The following BIRC6 variants were observed in gnomAD, a reference collection of about 807,000 sequenced individuals.
BIRC6 encodes the protein dual E2 ubiquitin-conjugating enzyme/E3 ubiquitin-protein ligase BIRC6.
A neutral mutation model predicts 503.3 loss-of-function variants in BIRC6; 98 were observed. That is an observed-to-expected ratio of 0.19 (90% CI 0.17 to 0.23). BIRC6 has a LOEUF of 0.23. BIRC6 is among the 10% of genes least tolerant of loss of function. The pLI is 1.00. For synonymous variants in BIRC6, 2,240 were observed against 2,078.7 expected, an observed-to-expected ratio of 1.08 and a Z score of -2.11; for missense variants, 5,360 against 5,806.0, an observed-to-expected ratio of 0.92 and a Z score of 2.50.
chr2:32,555,562 C>T (rs973458300), intron 65 of BIRC6, among the ~76,000 whole-genome samples: 5 of 152,006 alleles, frequency 3.3e-5, no homozygotes, highest in Non-Finnish European at 5.9e-5. Context: ...CGCTTGAAAC[C>T]CCAGAGGCCG....
chr2:32,357,729 G>A lies in BIRC6; in HGVS notation c.325+243G>A, dbSNP rs2033326143. 6.6e-6 allele frequency among the ~76,000 whole-genome samples: 1 copy of A among 152,130 alleles called. No homozygotes were observed. Among genetic ancestry groups the A allele is most frequent in the Non-Finnish European group, 1.5e-5 (1 of 68,012 alleles). On this transcript the variant is annotated intron_variant, in intron 1 of 73. Coordinates refer to ENST00000421745, the MANE Select transcript of BIRC6 (RefSeq NM_016252.4). The surrounding 1 kb of genome is among the most constrained non-coding windows in gnomAD (Gnocchi z 4.9). Reference sequence around the variant, plus strand: ...GTGGTGGGAGGGGAGTTGCCTTTCGGGCCTGGAGCGTCCGGTCTGGCTTGG... The same window carrying A: ...GTGGTGGGAGGGGAGTTGCCTTTCGAGCCTGGAGCGTCCGGTCTGGCTTGG...
rs1258084405 is a variant in BIRC6 at position 32,465,057 on chromosome 2, T to C, written c.5257-8T>C. Reference sequence around the variant, plus strand: ...TAAAGTTAGATTTTTTTTTTTTCCCTGCTCTAGAATCCACTTGGTTCTGGT... The same window carrying C: ...TAAAGTTAGATTTTTTTTTTTTCCCCGCTCTAGAATCCACTTGGTTCTGGT... On this transcript the variant is annotated splice_region_variant and splice_polypyrimidine_tract_variant and intron_variant, in intron 25 of 73. Transcript: ENST00000421745. 3 of 1,538,194 alleles carry C rather than the reference T, an allele frequency of 2.0e-6. No individual in the cohort carries two copies. The highest frequency in any genetic ancestry group is 1.7e-4 in the Middle Eastern group (1 of 5,840).
In BIRC6 at chr2:32,478,354, A is replaced by G. The variant is rs549812245; in HGVS notation, c.7069-281A>G. Among the ~76,000 whole-genome samples the G allele has an allele frequency of 2.0e-5, 3 of 152,192 alleles. No individual in the cohort carries two copies. The South Asian group carries it at 6.2e-4, about 32-fold the overall frequency. ...TGTCTCAAAAAAATAAAAAAAGAAGAAGGACTTTTAATGTCATGATTGCTT... is the reference window on the plus strand; with the variant it reads ...TGTCTCAAAAAAATAAAAAAAGAAGGAGGACTTTTAATGTCATGATTGCTT... On this transcript the variant is annotated intron_variant, in intron 35 of 73. Transcript: ENST00000421745.
At chr2:32,574,897 G>A (rs533293242) in intron 65 of BIRC6, 6 of 459,294 alleles carry the variant, frequency 1.3e-5, no homozygotes, top group Admixed American at 1.0e-4. Flanking sequence ...ACAGGCATGC[G>A]CCATCCCACC....
At chr2:32,571,378 C>CTT (rs61599835) in intron 65 of BIRC6, among the ~76,000 whole-genome samples, 2,783 of 20,444 alleles carry the variant, frequency 0.14, 529 homozygotes, top group African/African-American at 0.21. Context: ...TGGTCCTGGG[C>CTT]TTTTTTTTTT....
At position 32,464,694 on chromosome 2, in the gene BIRC6, C is replaced by T. The variant is rs749791081; in HGVS notation, c.5127C>T (p.Leu1709=). Residue 1709 remains leucine, a synonymous_variant, in exon 25 of 74, where the codon CTC becomes CTT. Transcript: ENST00000421745. ...KTTPLFMTPP[L]TPPNEAVSVV... is the part of the protein sequence containing the mutation. ...CACCTCTTTTTATGACTCCACCACT[C>T]ACTCCACCCAATGAAGCAGTTTCCG... The T allele has an allele frequency of 3.1e-6, 5 of 1,613,946 alleles. No homozygotes were observed. The Admixed American group carries it at 5.0e-5, about 16-fold the overall frequency.
At chr2:32,380,051 A>G in intron 2 of BIRC6, 102 bp from the exon 3 acceptor site, 1 of 801,014 alleles carries the variant, frequency 1.2e-6, no homozygotes, top group Non-Finnish European at 1.9e-6. Flanking sequence ...ACCTGTCATA[A>G]TCATTGCATA....
At position 32,434,421 on chromosome 2, in the gene BIRC6, G is replaced by T. The variant is rs2038534; in HGVS notation, c.3409+617G>T. 2.9e-3 allele frequency among the ~76,000 whole-genome samples: 438 copies of T among 151,938 alleles called. 14 individuals carry two copies. In the East Asian group the frequency reaches 0.074, roughly 26 times the overall value. On this transcript the variant is annotated intron_variant, in intron 13 of 73. Coordinates refer to ENST00000421745, the MANE Select transcript of BIRC6 (RefSeq NM_016252.4). ...TTCCTTTTTGAAAAATTACATATAC[G>T]CCTGGCACTCTCTATCTGTGGGTTT...
intron 59 of BIRC6, 87 bp downstream of exon 59, chr2:32,525,715 T>C: frequency 7.5e-7 from 1 of 1,331,480 alleles, no homozygotes; most frequent in Non-Finnish European, 1.0e-6. Flanking sequence ...AAAATCATTT[T>C]AATCAGGTGC....
intron 44 of BIRC6, among the ~76,000 whole-genome samples, chr2:32,492,915 A>C (rs551052857): frequency 6.6e-6 from 1 of 152,160 alleles, no homozygotes; most frequent in East Asian, 1.9e-4. Context: ...ATTAGGATCA[A>C]ATAAAATAAT....
Position 32,395,498 on chromosome 2 carries a change from T to C in BIRC6, c.952-13T>C, listed in dbSNP as rs370165522. ...ATTTACCTTTTCTGTCTCTTTTCTT[T>C]ATAATTTTGCAGCCTGCCTCATCTG... On this transcript the variant is annotated splice_polypyrimidine_tract_variant and intron_variant, in intron 5 of 73. Transcript: ENST00000421745. 2.8e-5 allele frequency: 44 copies of C among 1,583,770 alleles called. No homozygotes were observed. Among genetic ancestry groups the C allele is most frequent in the Non-Finnish European group, 3.6e-5 (42 of 1,156,262 alleles).
chr2:32,586,315 C>T (rs751927575), intron 66 of BIRC6, among the ~76,000 whole-genome samples: 3 of 149,500 alleles, frequency 2.0e-5, no homozygotes, highest in Non-Finnish European at 4.4e-5. Flanking sequence ...AGAAGCATAA[C>T]ATATTAGTAT....
At chr2:32,559,346 T>A (rs1301340240) in intron 65 of BIRC6, among the ~76,000 whole-genome samples, 1 of 152,236 alleles carries the variant, frequency 6.6e-6, no homozygotes, top group Non-Finnish European at 1.5e-5. Context: ...CAAGCTGCAC[T>A]TGGAGACATG....
At chr2:32,489,367 T>G (rs2051405768) in intron 42 of BIRC6, among the ~76,000 whole-genome samples, 2 of 152,080 alleles carry the variant, frequency 1.3e-5, no homozygotes, top group South Asian at 4.1e-4. Context: ...TCTACTTACA[T>G]CTGCACTGTC....
intron 43 of BIRC6, among the ~76,000 whole-genome samples, chr2:32,490,766 G>A (rs1367982160): frequency 6.6e-6 from 1 of 151,808 alleles, no homozygotes; most frequent in African/African-American, 2.4e-5. Context: ...AGATACCTTT[G>A]TACTTAAAAA....
At chr2:32,527,102 C>T (rs183865887) in intron 59 of BIRC6, 2 of 152,348 alleles carry the variant, frequency 1.3e-5, no homozygotes, top group Admixed American at 6.5e-5. Flanking sequence ...AACTGGCATA[C>T]ATAAGTACAA....
chr2:32,525,384 A>G, intron 58 of BIRC6, 80 bp from the exon 59 acceptor site: 3 of 1,484,152 alleles, frequency 2.0e-6, no homozygotes, highest in Non-Finnish European at 2.8e-6. Flanking sequence ...TGCATGCCTT[A>G]TTAAAATATT....
At chr2:32,500,606 GTTTT>G (rs758919928) in intron 46 of BIRC6, among the ~76,000 whole-genome samples, 2 of 118,298 alleles carry the variant, frequency 1.7e-5, no homozygotes, top group African/African-American at 3.2e-5. Flanking sequence ...TTTTGTTTTT[GTTTT>G]TTTTTTTTTT....
chr2:32,533,244 A>C (rs1350957603), intron 61 of BIRC6, among the ~76,000 whole-genome samples: 1 of 152,160 alleles, frequency 6.6e-6, no homozygotes, highest in African/African-American at 2.4e-5. Context: ...AGAACTATTA[A>C]CTCATTTGTG....
Sources: allele counts gnomAD v4.1 joint callset (sites outside exome capture counted in the v4.1 genomes callset), GRCh38; gene constraint gnomAD v4.1.1; non-coding constraint Gnocchi (gnomAD v3.1); transcripts MANE v1.5; gene names NCBI Gene and HGNC (gene_info 2026-07-23, HGNC 2026-07-21).